Variants in CILK1 observed in about 807,000 individuals in gnomAD.
CILK1 encodes serine/threonine-protein kinase ICK.
In CILK1, 47 loss-of-function variants were observed where a neutral mutation model predicts 79.2. That is an observed-to-expected ratio of 0.59 (90% CI 0.47 to 0.76). The LOEUF (loss-of-function observed/expected upper bound fraction) is 0.76, where lower values mean the gene tolerates loss of function less well. Ranked by LOEUF, CILK1 falls within the 30% of genes least tolerant of loss-of-function variation. The pLI is 0.00. For synonymous variants in CILK1, 266 were observed against 275.9 expected (o/e 0.96, Z 0.36); for missense variants, 660 against 769.5 (o/e 0.86, Z 1.68).
chr6:53,005,811 T>C (rs888747056), intron 13 of CILK1, among the ~76,000 whole-genome samples: 1 of 152,114 alleles, frequency 6.6e-6, no homozygotes, highest in East Asian at 1.9e-4. Flanking sequence ...TCCATGACAA[T>C]GTGCTTACAG....
In CILK1 at chr6:53,003,040, T is replaced by G. The variant is rs757818164; in HGVS notation, c.*2109A>C. On this transcript the variant is annotated 3_prime_UTR_variant, in exon 14 of 14. Transcript: ENST00000676107. ...CAGAAAATGAAAATAAATATTAACC[T>G]TATAGTAAAGGACTCATCTCTGAAA... 1 of 152,642 alleles carries G rather than the reference T, an allele frequency of 6.6e-6. No homozygotes were observed. Among genetic ancestry groups the G allele is most frequent in the Non-Finnish European group, 1.5e-5 (1 of 68,040 alleles). The allele number at this position is 152,642 out of a possible 1,614,324, so 9.5% of individuals were successfully genotyped here.
chr6:53,018,193 G>T, intron 7 of CILK1, 137 bp downstream of exon 7: 2 of 833,894 alleles, frequency 2.4e-6, no homozygotes, highest in Non-Finnish European at 2.0e-6. Context: ...AACGTGGGCA[G>T]TGGAGAATGA....
Position 53,011,892 on chromosome 6 carries a change from G to T in CILK1, c.1369C>A (p.Pro457Thr). 1 of 1,614,162 alleles carries T rather than the reference G, an allele frequency of 6.2e-7. No homozygotes were observed. The highest frequency in any genetic ancestry group is 8.5e-7 in the Non-Finnish European group (1 of 1,180,020). Residue 457 changes from proline to threonine, a missense_variant, in exon 11 of 14, where the codon CCC (proline) becomes ACC (threonine). By Grantham distance (38) the Pro-to-Thr change is conservative. Transcript: ENST00000676107. ...CRFESVLDLK[P>T]SEPVGTGNSA... Reference sequence around the variant, plus strand: ...TTTCCTGTGCCCACAGGCTCAGAGGGCTTCAGGTCCAAAACACTCTCAAAC... The same window carrying T: ...TTTCCTGTGCCCACAGGCTCAGAGGTCTTCAGGTCCAAAACACTCTCAAAC...
chr6:53,023,970 G>A (rs1442983169), intron 5 of CILK1, among the ~76,000 whole-genome samples: 1 of 152,214 alleles, frequency 6.6e-6, no homozygotes, highest in East Asian at 1.9e-4. Flanking sequence ...GCATAAGTGA[G>A]AGGAGGAAGT....
At chr6:53,025,501 C>T (rs560027528) in intron 5 of CILK1, among the ~76,000 whole-genome samples, 31 of 152,318 alleles carry the variant, frequency 2.0e-4, no homozygotes, top group African/African-American at 7.0e-4. Context: ...TCCTCTCCCT[C>T]ACTGCTAACT....
rs968515728 is a variant in CILK1, at chr6:53,041,087, T to C, written c.101+49A>G. 1.6e-5 allele frequency: 19 copies of C among 1,224,936 alleles called. No homozygotes were observed. In the Admixed American group the frequency reaches 2.0e-4, roughly 13 times the overall value. The allele number at this position is 1,224,936 out of a possible 1,614,324, so 75.9% of individuals were successfully genotyped here. A position where few individuals can be genotyped will look rare whatever the true frequency, so the allele number is the denominator to read the frequency against. On this transcript the variant is annotated intron_variant, in intron 2 of 13. Transcript: ENST00000676107. ...TTAGAACTGTTACAAAGACGGGTAA[T>C]GGTGAGGGTAGAGTTAAAATTATCA...
intron 5 of CILK1, among the ~76,000 whole-genome samples, chr6:53,028,820 AGTGT>A (rs140225032): frequency 0.015 from 2,263 of 148,828 alleles, 33 homozygotes; most frequent in East Asian, 0.061. Context: ...ACTACAGATG[AGTGT>A]GTGTGTGTGT....
intron 4 of CILK1, 29 bp from the exon 5 acceptor site, chr6:53,031,173 T>C (rs1290514904): frequency 7.2e-7 from 1 of 1,379,328 alleles, no homozygotes; most frequent in Non-Finnish European, 1.0e-6. Context: ...AACAAAGTTA[T>C]AAATCAAAGG....
At chr6:53,024,048 T>A (rs984537308) in intron 5 of CILK1, among the ~76,000 whole-genome samples, 5 of 152,212 alleles carry the variant, frequency 3.3e-5, no homozygotes, top group African/African-American at 1.2e-4. Flanking sequence ...TCAAAAAAGT[T>A]TGACATGGGT....
chr6:53,007,886 G>C (rs1764322188), intron 12 of CILK1, among the ~76,000 whole-genome samples: 1 of 151,866 alleles, frequency 6.6e-6, no homozygotes, highest in African/African-American at 2.4e-5. Context: ...GTTGCAGTGA[G>C]CCGAGATCAT....
At chr6:53,027,867 G>A (rs915758671) in intron 5 of CILK1, among the ~76,000 whole-genome samples, 3 of 152,154 alleles carry the variant, frequency 2.0e-5, no homozygotes, top group Admixed American at 1.3e-4. Context: ...TTAGCCGGGC[G>A]CCGGGCACAG....
intron 5 of CILK1, among the ~76,000 whole-genome samples, chr6:53,027,338 A>C (rs1456801222): frequency 6.6e-6 from 1 of 152,252 alleles, no homozygotes; most frequent in Non-Finnish European, 1.5e-5. Context: ...GAGTTGAAAC[A>C]GACCATTTGC....
At chr6:53,033,387 A>T (rs1766098618) in intron 3 of CILK1, among the ~76,000 whole-genome samples, 1 of 152,152 alleles carries the variant, frequency 6.6e-6, no homozygotes, top group South Asian at 2.1e-4. Context: ...CTCTTCCTGG[A>T]ACATGTGCGT....
intron 1 of CILK1, among the ~76,000 whole-genome samples, chr6:53,052,240 T>C (rs750675973): frequency 1.6e-4 from 24 of 152,214 alleles, no homozygotes; most frequent in Non-Finnish European, 3.1e-4. Context: ...TCTCATACCA[T>C]TTTATAGCGG....
intron 11 of CILK1, among the ~76,000 whole-genome samples, chr6:53,010,418 G>A (rs1435917558): frequency 6.6e-6 from 1 of 152,192 alleles, no homozygotes; most frequent in East Asian, 1.9e-4. Context: ...GCTACAGCTT[G>A]CTGGCCCCTC....
At chr6:53,011,685 T>TA in intron 11 of CILK1, 84 bp downstream of exon 11, 2 of 1,365,304 alleles carry the variant, frequency 1.5e-6, no homozygotes, top group Non-Finnish European at 1.0e-6. Context: ...ATCTGCCTTC[T>TA]AAAACAGAAC....
chr6:53,003,004 C>G lies in CILK1; in HGVS notation c.*2145G>C, dbSNP rs1462897836. On this transcript the variant is annotated 3_prime_UTR_variant, in exon 14 of 14. Transcript: ENST00000676107. ...CCAGGTTTCACATTAATTTACTTTTCATATATAATACAGAAAATGAAAATA... is the reference window on the plus strand; with the variant it reads ...CCAGGTTTCACATTAATTTACTTTTGATATATAATACAGAAAATGAAAATA... The G allele has an allele frequency of 1.3e-5, 2 of 152,570 alleles. No homozygotes were observed. Among genetic ancestry groups the G allele is most frequent in the African/African-American group, 4.8e-5 (2 of 41,426 alleles). 9.5% of individuals were successfully genotyped at this position (152,570 alleles called of 1,614,324 possible).
At chr6:53,013,365 G>C (rs1345494508) in intron 9 of CILK1, among the ~76,000 whole-genome samples, 1 of 152,200 alleles carries the variant, frequency 6.6e-6, no homozygotes, top group African/African-American at 2.4e-5. Flanking sequence ...TAGGTATCAA[G>C]CTACTAAACA....
intron 9 of CILK1, among the ~76,000 whole-genome samples, chr6:53,012,516 T>A (rs1367206427): frequency 1.3e-5 from 2 of 152,214 alleles, no homozygotes; most frequent in African/African-American, 2.4e-5. Flanking sequence ...AAATTCATAC[T>A]CAGTCTCATC....
Sources: allele counts gnomAD v4.1 joint callset (sites outside exome capture counted in the v4.1 genomes callset), GRCh38; gene constraint gnomAD v4.1.1; transcripts MANE v1.5; gene names NCBI Gene and HGNC (gene_info 2026-07-23, HGNC 2026-07-21).